The following MSANTD2 variants were observed in gnomAD, a reference collection of about 807,000 sequenced individuals.
MSANTD2 encodes myb/SANT-like DNA-binding domain-containing protein 2.
In MSANTD2, 19 loss-of-function variants were observed where a neutral mutation model predicts 52.6. That is an observed-to-expected ratio of 0.36 (90% CI 0.25 to 0.53). MSANTD2 has a LOEUF of 0.53. Ranked by LOEUF, MSANTD2 falls within the 20% of genes least tolerant of loss-of-function variation. The probability of loss-of-function intolerance (pLI) is 0.91; values close to 1 mark genes in which losing one functional copy is unlikely to be tolerated. For synonymous variants in MSANTD2, 291 were observed against 289.7 expected (o/e 1.00, Z -0.04); for missense variants, 558 against 716.3 (o/e 0.78, Z 2.52).
At chr11:124,784,747 A>G (rs924848914) in intron 1 of MSANTD2, 2 of 825,606 alleles carry the variant, frequency 2.4e-6, no homozygotes, top group Non-Finnish European at 2.9e-6. Flanking sequence ...CCATTAGTAG[A>G]TTTTACACAT....
chr11:124,772,533 C>G (rs189806804), intron 3 of MSANTD2, among the ~76,000 whole-genome samples: 1 of 151,978 alleles, frequency 6.6e-6, no homozygotes, highest in Admixed American at 6.6e-5. Context: ...GTCAGGAGAT[C>G]GAGATAATCC....
At chr11:124,799,391 C>T (rs1270002704) in intron 1 of MSANTD2, among the ~76,000 whole-genome samples, 3 of 152,240 alleles carry the variant, frequency 2.0e-5, no homozygotes, top group African/African-American at 7.2e-5. Context: ...TCCCAAGGCG[C>T]TTTTTCTATG....
intron 1 of MSANTD2, 72 bp from the exon 2 acceptor site, chr11:124,775,046 A>G: frequency 7.2e-7 from 1 of 1,381,324 alleles, no homozygotes; most frequent in Non-Finnish European, 9.7e-7. Flanking sequence ...ACAGATATTA[A>G]TTACTATTAG....
chr11:124,768,054 T>A (rs369370016), intron 3 of MSANTD2, 26 bp from the exon 4 acceptor site: 251 of 1,578,256 alleles, frequency 1.6e-4, no homozygotes, highest in Non-Finnish European at 1.8e-4. Context: ...AAAGTCAAAT[T>A]CCCTAAGTAT....
chr11:124,796,370 TA>T (rs2135275059), intron 1 of MSANTD2, among the ~76,000 whole-genome samples: 1 of 152,344 alleles, frequency 6.6e-6, no homozygotes, highest in African/African-American at 2.4e-5. Flanking sequence ...ATGGAAAAAT[TA>T]AAGTTGCTAT....
chr11:124,771,696 T>C (rs574690938), intron 3 of MSANTD2, among the ~76,000 whole-genome samples: 2 of 152,306 alleles, frequency 1.3e-5, no homozygotes, highest in East Asian at 3.9e-4. Flanking sequence ...TGAGCCAAGA[T>C]TGCACCACTG....
In MSANTD2 at chr11:124,798,234, T is replaced by TAA. The variant is rs10601418; in HGVS notation, c.510+1635_510+1636dup. On this transcript the variant is annotated intron_variant, in intron 1 of 3. Coordinates refer to ENST00000374979, the MANE Select transcript of MSANTD2 (RefSeq NM_001308027.2). ...GAGCAACGTAGAAGACCCTGTCTCT[T>TAA]AAAAAAAAAAAAAAAAAAAAAAAAA... Among the ~76,000 whole-genome samples the TAA allele has an allele frequency of 1.0e-4, 11 of 110,502 alleles. No homozygotes were observed. The South Asian group carries it at 1.1e-3, about 11-fold the overall frequency. The allele number at this position is 110,502 out of a possible 152,430, so 72.5% of individuals were successfully genotyped here.
chr11:124,778,469 C>T (rs1276032001), intron 1 of MSANTD2, among the ~76,000 whole-genome samples: 1 of 152,126 alleles, frequency 6.6e-6, no homozygotes, highest in Non-Finnish European at 1.5e-5. Context: ...GTTGTCTCCC[C>T]CTGGAGGAAG....
intron 1 of MSANTD2, among the ~76,000 whole-genome samples, chr11:124,782,713 T>A (rs1362343347): frequency 1.3e-5 from 2 of 152,198 alleles, no homozygotes; most frequent in Non-Finnish European, 2.9e-5. Flanking sequence ...TCCCCAAGCC[T>A]AGAACAGTGC....
At position 124,783,610 on chromosome 11, in the gene MSANTD2, ACT is replaced by A. The variant is rs1256635075; in HGVS notation, c.511-8638_511-8637del. 1.5e-5 allele frequency: 8 copies of A among 547,466 alleles called. No homozygotes were observed. In the East Asian group the frequency reaches 5.9e-4, roughly 40 times the overall value. 33.9% of individuals were successfully genotyped at this position (547,466 alleles called of 1,614,324 possible). The stretch of plus-strand genomic sequence containing the variant: ...ACTCCAGCCTGAGTGACAGAGTGAG[ACT>A]CTGTCTCAAAAAATAAAAATAAAAA... On this transcript the variant is annotated intron_variant, in intron 1 of 3. Coordinates refer to ENST00000374979, the MANE Select transcript of MSANTD2 (RefSeq NM_001308027.2).
intron 1 of MSANTD2, chr11:124,791,267 T>C: frequency 6.9e-7 from 1 of 1,452,544 alleles, no homozygotes; most frequent in Non-Finnish European, 9.7e-7. Context: ...GGAGTATCCT[T>C]GGTCTACTCC....
intron 1 of MSANTD2, chr11:124,784,865 C>G (rs1045430795): frequency 6.2e-6 from 1 of 160,266 alleles, no homozygotes; most frequent in Non-Finnish European, 1.3e-5. Flanking sequence ...AATCCAGATT[C>G]ATTAACTTGT....
chr11:124,794,579 G>C (rs1277989734), intron 1 of MSANTD2, among the ~76,000 whole-genome samples: 1 of 152,226 alleles, frequency 6.6e-6, no homozygotes, highest in African/African-American at 2.4e-5. Flanking sequence ...TAGAAGAAAT[G>C]TCTTGTCTGC....
rs373826064 is a variant in MSANTD2 at position 124,774,695 on chromosome 11, T to A, written c.766+24A>T. 248 of 1,609,408 alleles carry A rather than the reference T, an allele frequency of 1.5e-4. No homozygotes were observed. Among genetic ancestry groups the A allele is most frequent in the Non-Finnish European group, 2.0e-4 (237 of 1,176,920 alleles). On this transcript the variant is annotated intron_variant, in intron 2 of 3. Coordinates refer to ENST00000374979, the MANE Select transcript of MSANTD2 (RefSeq NM_001308027.2). This position sits in a 1 kb window ranked among gnomAD's most constrained non-coding sequence, Gnocchi z 5.1. ...GTATATAAATATACACAAACATAAG[T>A]ATCATATATGTTGGCTTTCTTACCC...
At chr11:124,799,548 G>A (rs1945613298) in intron 1 of MSANTD2, among the ~76,000 whole-genome samples, 2 of 152,154 alleles carry the variant, frequency 1.3e-5, no homozygotes, top group African/African-American at 4.8e-5. Context: ...GGCGGTGGGG[G>A]CAAGAGGCGC....
At chr11:124,791,504 G>C in intron 1 of MSANTD2, 1 of 1,105,496 alleles carries the variant, frequency 9.0e-7, no homozygotes, top group Non-Finnish European at 1.3e-6. Flanking sequence ...CTGAGGGCAA[G>C]AGTTGGAGAA....
chr11:124,767,226 C>T lies in MSANTD2; in HGVS notation c.1630G>A (p.Val544Ile). The T allele has an allele frequency of 6.2e-7, 1 of 1,613,566 alleles. No individual in the cohort carries two copies. Among genetic ancestry groups the T allele is most frequent in the East Asian group, 2.2e-5 (1 of 44,878 alleles). ...CCAATGGCTTTTTCCAGGCACTCAA[C>T]TAAAGAGCCTGCGGAAAGAAAATCC... is the stretch of plus-strand genomic sequence containing the variant. ...ERDFLSAGSL[V>I]ECLEKAIGYP... The change falls in exon 4 of 4, where the codon GTT becomes ATT. Residue 544 changes from valine to isoleucine, a missense_variant. Around this residue, in one of 2 missense-constraint regions of MSANTD2, gnomAD observed 408 missense variants for 573.6 expected, o/e 0.71. Coordinates refer to ENST00000374979, the MANE Select transcript of MSANTD2 (RefSeq NM_001308027.2). This position sits in a 1 kb window ranked among gnomAD's most constrained non-coding sequence, Gnocchi z 6.5.
rs967089485 is a variant in MSANTD2, at chr11:124,783,850, A to G, written c.511-8876T>C. 5 of 985,270 alleles carry G rather than the reference A, an allele frequency of 5.1e-6. No individual in the cohort carries two copies. In the African/African-American group the frequency reaches 8.7e-5, roughly 17 times the overall value. The allele number at this position is 985,270 out of a possible 1,614,324, so 61.0% of individuals were successfully genotyped here. A position where few individuals can be genotyped will look rare whatever the true frequency, so the allele number is the denominator to read the frequency against. On this transcript the variant is annotated intron_variant, in intron 1 of 3. Coordinates refer to ENST00000374979, the MANE Select transcript of MSANTD2 (RefSeq NM_001308027.2). ...ATGGCTCAAGGAACTCAATTCATGT[A>G]ACCATAAAGCTTCTGACCCTATGCT...
rs986654141 is a variant in MSANTD2, at chr11:124,774,088, T to C, written c.766+631A>G. On this transcript the variant is annotated intron_variant, in intron 2 of 3. Coordinates refer to ENST00000374979, the MANE Select transcript of MSANTD2 (RefSeq NM_001308027.2). The surrounding 1 kb of genome is among the most constrained non-coding windows in gnomAD (Gnocchi z 5.1). ...CAGGAATTTTATTTTCCATTTTTAA[T>C]GCCTATGACTGTATAAATAATTCCA... Among the ~76,000 whole-genome samples the C allele has an allele frequency of 1.3e-5, 2 of 152,266 alleles. No homozygotes were observed. Among genetic ancestry groups the C allele is most frequent in the South Asian group, 2.1e-4 (1 of 4,832 alleles).
Sources: allele counts gnomAD v4.1 joint callset (sites outside exome capture counted in the v4.1 genomes callset), GRCh38; gene constraint gnomAD v4.1.1; regional missense constraint gnomAD v4.1.1; non-coding constraint Gnocchi (gnomAD v3.1); transcripts MANE v1.5; gene names NCBI Gene and HGNC (gene_info 2026-07-23, HGNC 2026-07-21).